Variants in SLC36A4 observed in about 807,000 individuals in gnomAD.
SLC36A4 encodes the protein neutral amino acid uniporter 4.
SLC36A4 carries 49 observed loss-of-function variants against 50.5 expected under a neutral mutation model. The ratio of observed to expected loss-of-function variants is 0.97; its 90% CI spans 0.77 to 1.23. The LOEUF is 1.23. Among genes scored for constraint, SLC36A4 ranks in the 50% most tolerant of loss-of-function variants. SLC36A4 has a pLI of 0.00. For missense variants in SLC36A4, 611 were observed against 608.4 expected (o/e 1.00, Z -0.05); for synonymous variants, 207 against 206.5 (o/e 1.00, Z -0.02).
At chr11:93,151,329 T>C (rs1228393310) in intron 10 of SLC36A4, among the ~76,000 whole-genome samples, 1 of 151,968 alleles carries the variant, frequency 6.6e-6, no homozygotes, top group East Asian at 1.9e-4. Flanking sequence ...TTACCAAAAC[T>C]ATATATAGCA....
intron 6 of SLC36A4, among the ~76,000 whole-genome samples, chr11:93,178,718 G>A (rs1197399655): frequency 6.6e-6 from 1 of 152,102 alleles, no homozygotes; most frequent in Non-Finnish European, 1.5e-5. Flanking sequence ...AGCCATCTAT[G>A]ACAAACCCAC....
intron 9 of SLC36A4, chr11:93,155,560 A>C (rs1444558764): frequency 1.3e-5 from 2 of 152,124 alleles, no homozygotes; most frequent in Non-Finnish European, 2.9e-5. Flanking sequence ...TGATGTCTTA[A>C]GACTTAAAGT....
At position 93,159,814 on chromosome 11, in the gene SLC36A4, C is replaced by A. The variant is rs554456717; in HGVS notation, c.1037+2892G>T. 3.0e-6 allele frequency: 3 copies of A among 985,254 alleles called. No homozygotes were observed. The African/African-American group carries it at 5.2e-5, about 17-fold the overall frequency. 61.0% of individuals were successfully genotyped at this position (985,254 alleles called of 1,614,324 possible). Reference sequence around the variant, plus strand: ...TTCTCTAATCCATACTTGCTTTATCCTATGGCCTCTTTCTAATTCAATCTT... The same window carrying A: ...TTCTCTAATCCATACTTGCTTTATCATATGGCCTCTTTCTAATTCAATCTT... On this transcript the variant is annotated intron_variant, in intron 9 of 10. Coordinates refer to ENST00000326402, the MANE Select transcript of SLC36A4 (RefSeq NM_152313.4).
intron 8 of SLC36A4, among the ~76,000 whole-genome samples, chr11:93,165,118 C>G (rs1168035731): frequency 6.6e-6 from 1 of 152,170 alleles, no homozygotes; most frequent in East Asian, 1.9e-4. Flanking sequence ...TCACAGAGAG[C>G]AGAAACCCAA....
chr11:93,154,416 T>TTTTTAC, intron 9 of SLC36A4, 139 bp from the exon 10 acceptor site: 1 of 399,254 alleles, frequency 2.5e-6, no homozygotes, highest in Non-Finnish European at 4.4e-6. Flanking sequence ...TGCTTGTTTG[T>TTTTTAC]AAAAAAGGCA....
At chr11:93,194,083 T>C (rs987524613) in intron 1 of SLC36A4, among the ~76,000 whole-genome samples, 1 of 152,136 alleles carries the variant, frequency 6.6e-6, no homozygotes, top group Non-Finnish European at 1.5e-5. Flanking sequence ...ATCTGCAATA[T>C]GATTACAATC....
chr11:93,148,926 T>C lies in SLC36A4; in HGVS notation c.1208-82A>G, dbSNP rs886089249. ...TATTAACAGTAAGTATTTTCAATACTGAAAGTAATTACTAGAAATAATTAA... is the reference window on the plus strand; with the variant it reads ...TATTAACAGTAAGTATTTTCAATACCGAAAGTAATTACTAGAAATAATTAA... On this transcript the variant is annotated intron_variant, in intron 10 of 10. Transcript: ENST00000326402. 4 of 1,213,860 alleles carry C rather than the reference T, an allele frequency of 3.3e-6. No homozygotes were observed. The African/African-American group carries it at 4.7e-5, about 14-fold the overall frequency. 75.2% of individuals were successfully genotyped at this position (1,213,860 alleles called of 1,614,324 possible).
chr11:93,162,996 CAT>C, intron 8 of SLC36A4, 121 bp from the exon 9 acceptor site: 1 of 737,790 alleles, frequency 1.4e-6, no homozygotes, highest in Non-Finnish European at 2.2e-6. Flanking sequence ...CTTTAAAACA[CAT>C]ATAATTGTTG....
intron 1 of SLC36A4, among the ~76,000 whole-genome samples, chr11:93,196,488 A>T (rs946260481): frequency 9.9e-5 from 15 of 151,920 alleles, no homozygotes; most frequent in Admixed American, 3.3e-4. Context: ...TGCCTCAGCC[A>T]CCCGAGTAGC....
At chr11:93,159,677 TA>T in intron 9 of SLC36A4, 1 of 374,566 alleles carries the variant, frequency 2.7e-6, no homozygotes, top group Non-Finnish European at 3.7e-6. Context: ...GTAAAACCTT[TA>T]AAATACATTC....
intron 7 of SLC36A4, 62 bp from the exon 8 acceptor site, chr11:93,166,078 A>T (rs1343766472): frequency 7.4e-7 from 1 of 1,355,888 alleles, no homozygotes; most frequent in Non-Finnish European, 1.0e-6. Context: ...ATAATTAAAA[A>T]ATGTAAGAAA....
rs774820221 is a variant in SLC36A4, at chr11:93,180,790, T to C, written c.540+7A>G. 1.7e-5 allele frequency: 27 copies of C among 1,597,464 alleles called. No homozygotes were observed. The highest frequency in any genetic ancestry group is 7.7e-6 in the Non-Finnish European group (9 of 1,165,860). ...AATGATTTCACTAACTGGAGAAAAA[T>C]ACTCACTTGTTTCACATTTTCAGCT... On this transcript the variant is annotated splice_region_variant and intron_variant, in intron 6 of 10. Transcript: ENST00000326402.
Position 93,197,540 on chromosome 11 carries a change from G to T in SLC36A4, c.55+238C>A, listed in dbSNP as rs1862480509. The T allele has an allele frequency of 7.5e-6, 4 of 536,106 alleles. No individual in the cohort carries two copies. The East Asian group carries it at 1.4e-4, about 18-fold the overall frequency. The allele number at this position is 536,106 out of a possible 1,614,324, so 33.2% of individuals were successfully genotyped here. A position where few individuals can be genotyped will look rare whatever the true frequency, so the allele number is the denominator to read the frequency against. On this transcript the variant is annotated intron_variant, in intron 1 of 10. Coordinates refer to ENST00000326402, the MANE Select transcript of SLC36A4 (RefSeq NM_152313.4). ...ACTCAACACACACACTCACCCACAC[G>T]CGCGCGCGCAAACACACACACACAT...
chr11:93,156,813 T>G (rs1018460518), intron 9 of SLC36A4, among the ~76,000 whole-genome samples: 3 of 152,204 alleles, frequency 2.0e-5, no homozygotes, highest in Non-Finnish European at 4.4e-5. Flanking sequence ...GCCTGTTCAC[T>G]CTGTTGATAG....
At chr11:93,180,948 C>A in intron 5 of SLC36A4, 67 bp from the exon 6 acceptor site, 1 of 1,116,306 alleles carries the variant, frequency 9.0e-7, no homozygotes, top group Non-Finnish European at 1.3e-6. Flanking sequence ...TTTTATTTCT[C>A]TTTTCAAGAG....
In SLC36A4 at chr11:93,167,740, C is replaced by G. The variant is rs77579146; in HGVS notation, c.768+204G>C. On this transcript the variant is annotated intron_variant, in intron 7 of 10. Coordinates refer to ENST00000326402, the MANE Select transcript of SLC36A4 (RefSeq NM_152313.4). ...TTATTTACCAAGATTCAAGATCTGA[C>G]CACAAAGCCTGTTTAATCTCTATGT... Among the ~76,000 whole-genome samples the G allele has an allele frequency of 4.6e-3, 705 of 152,172 alleles. 2 individuals are homozygous for G. The highest frequency in any genetic ancestry group is 8.3e-3 in the Non-Finnish European group (564 of 67,980).
Position 93,155,793 on chromosome 11 carries a change from T to A in SLC36A4, c.1038-1516A>T, listed in dbSNP as rs1860330701. Among the ~76,000 whole-genome samples the A allele has an allele frequency of 1.3e-5, 2 of 152,112 alleles. 1 individual carries two copies. The highest frequency in any genetic ancestry group is 4.1e-4 in the South Asian group (2 of 4,826). On this transcript the variant is annotated intron_variant, in intron 9 of 10. Transcript: ENST00000326402. ...CCTCCATGTGTCCGCGTTTTCATCATTTAGCTCCCACTTATAAGTAAGAAT... is the reference window on the plus strand; with the variant it reads ...CCTCCATGTGTCCGCGTTTTCATCAATTAGCTCCCACTTATAAGTAAGAAT...
intron 2 of SLC36A4, 41 bp downstream of exon 2, chr11:93,185,650 T>C (rs748857474): frequency 6.6e-7 from 1 of 1,513,106 alleles, no homozygotes; most frequent in East Asian, 2.3e-5. Flanking sequence ...AAATACATAC[T>C]GAATTAAAAG....
At chr11:93,179,254 G>C (rs1228472744) in intron 6 of SLC36A4, among the ~76,000 whole-genome samples, 1 of 152,298 alleles carries the variant, frequency 6.6e-6, no homozygotes, top group East Asian at 1.9e-4. Context: ...TTTTCCTTCA[G>C]AGCCAATAAC....
Sources: gnomAD v4.1 joint callset for allele counts (sites outside exome capture counted in the v4.1 genomes callset) on GRCh38, gnomAD v4.1.1 for gene constraint, MANE v1.5 for transcripts, NCBI Gene and HGNC (gene_info 2026-07-23, HGNC 2026-07-21) for gene names.